The following WWC1 variants were observed in gnomAD, a reference collection of about 807,000 sequenced individuals.
WWC1 encodes the protein protein KIBRA.
In WWC1, 55 loss-of-function variants were observed where a neutral mutation model predicts 138.4. The ratio of observed to expected loss-of-function variants is 0.40; its 90% confidence interval spans 0.32 to 0.50. The LOEUF is 0.50. Among genes scored for constraint, WWC1 ranks in the 20% least tolerant of loss-of-function variants. WWC1 has a pLI of 0.72. For synonymous variants in WWC1, 524 were observed against 564.9 expected, an observed-to-expected ratio of 0.93 and a Z score of 1.03; for missense variants, 1,226 against 1,420.4, an observed-to-expected ratio of 0.86 and a Z score of 2.20.
At chr5:168,347,419 A>G (rs2152784220) in intron 1 of WWC1, among the ~76,000 whole-genome samples, 1 of 152,306 alleles carries the variant, frequency 6.6e-6, no homozygotes, top group South Asian at 2.1e-4. Flanking sequence ...AGGGAATTTG[A>G]AATTCTGTGC....
intron 16 of WWC1, among the ~76,000 whole-genome samples, 198 bp from the exon 17 acceptor site, chr5:168,444,296 T>A (rs766916731): frequency 4.6e-5 from 7 of 152,260 alleles, no homozygotes; most frequent in Non-Finnish European, 8.8e-5. Flanking sequence ...AGCTATTCTC[T>A]GGAGAACTGC....
At chr5:168,432,359 G>A (rs4976608) in intron 15 of WWC1, among the ~76,000 whole-genome samples, 22,891 of 152,106 alleles carry the variant, frequency 0.15, 1,964 homozygotes, top group African/African-American at 0.23. Context: ...ATCTCTCACT[G>A]CATTGGCAGG....
chr5:168,444,567 A>G lies in WWC1; in HGVS notation c.2507A>G (p.Gln836Arg). ...AGGCAGGAGGGCAGGAGCAGCACAC[A>G]GACACTGGAAGACAGCTGGTGAGTG... The part of the protein sequence containing the change: ...EKRQEGRSST[Q>R]TLEDSWRYEE... Residue 836 changes from glutamine (Q) to arginine (R), a missense_variant, in exon 17 of 23, where the codon CAG becomes CGG. Physicochemically the swap from Gln to Arg is conservative, Grantham distance 43. Around this residue, in one of 3 missense-constraint regions of WWC1, gnomAD observed 1,016 missense variants for 1,153.9 expected, o/e 0.88. Coordinates refer to ENST00000265293, the MANE Select transcript of WWC1 (RefSeq NM_015238.3). 1 of 1,612,792 alleles carries G rather than the reference A, an allele frequency of 6.2e-7. No homozygotes were observed. Among genetic ancestry groups the G allele is most frequent in the East Asian group, 2.2e-5 (1 of 44,856 alleles).
At chr5:168,323,025 C>T (rs1772245009) in intron 1 of WWC1, among the ~76,000 whole-genome samples, 1 of 152,134 alleles carries the variant, frequency 6.6e-6, no homozygotes. Flanking sequence ...TCAATAGAAA[C>T]AGACCTAGAG....
chr5:168,405,137 G>C (rs1273435073), intron 5 of WWC1, among the ~76,000 whole-genome samples: 1 of 152,126 alleles, frequency 6.6e-6, no homozygotes, highest in Non-Finnish European at 1.5e-5. Context: ...GTATTTGAGA[G>C]ACAACCTCAG....
rs1277287465 is a variant in WWC1, at chr5:168,470,836, T to A, written c.*1819T>A. ...TAACTCCATCTCAAAAAAATAATAA[T>A]AATAAAAATAAAATGCAGACTGTCA... On this transcript the variant is annotated 3_prime_UTR_variant, in exon 23 of 23. Transcript: ENST00000265293. 2 of 151,814 alleles carry A rather than the reference T, an allele frequency of 1.3e-5. No individual in the cohort carries two copies. Among genetic ancestry groups the A allele is most frequent in the Non-Finnish European group, 2.9e-5 (2 of 67,996 alleles). The allele number at this position is 151,814 out of a possible 1,614,324, so 9.4% of individuals were successfully genotyped here.
At chr5:168,444,699 A>G (rs1433733212) in intron 17 of WWC1, 114 bp downstream of exon 17, 2 of 1,129,920 alleles carry the variant, frequency 1.8e-6, no homozygotes, top group African/African-American at 3.1e-5. Context: ...GAAGGCTGAG[A>G]ACCCCTCTCC....
At position 168,451,903 on chromosome 5, in the gene WWC1, C is replaced by CTTTTTTT. The variant is rs3085192; in HGVS notation, c.2526-2051_2526-2045dup. On this transcript the variant is annotated intron_variant, in intron 17 of 22. Coordinates refer to ENST00000265293, the MANE Select transcript of WWC1 (RefSeq NM_015238.3). ...CTTTGGAGAAGCCATTTGTTGGTGT[C>CTTTTTTT]TTTTTTTTTTTTTTTTTTTTGAGGT... Among the ~76,000 whole-genome samples, 238 of 108,498 alleles carry CTTTTTTT rather than the reference C, an allele frequency of 2.2e-3. 6 individuals carry two copies. The highest frequency in any genetic ancestry group is 3.2e-3 in the Non-Finnish European group (184 of 56,994). 71.2% of individuals were successfully genotyped at this position (108,498 alleles called of 152,430 possible).
chr5:168,431,192 A>G lies in WWC1; in HGVS notation c.2088-60A>G, dbSNP rs546609920. 254 of 1,487,916 alleles carry G rather than the reference A, an allele frequency of 1.7e-4. 1 individual carries two copies. Among genetic ancestry groups the G allele is most frequent in the Admixed American group, 1.6e-3 (81 of 51,432 alleles). The allele number at this position is 1,487,916 out of a possible 1,614,324, so 92.2% of individuals were successfully genotyped here. A position where few individuals can be genotyped will look rare whatever the true frequency, so the allele number is the denominator to read the frequency against. On this transcript the variant is annotated intron_variant, in intron 14 of 22. Transcript: ENST00000265293. ...AGGGATTTCAGCAGCTGTTTAGTCC[A>G]ACATTTTAGCCCCAGACATGGGCTG...
chr5:168,427,335 T>C (rs1781577998), intron 11 of WWC1, among the ~76,000 whole-genome samples: 1 of 152,086 alleles, frequency 6.6e-6, no homozygotes, highest in Admixed American at 6.5e-5. Context: ...TCTCGCTGAG[T>C]CCTGTCAACA....
intron 2 of WWC1, among the ~76,000 whole-genome samples, chr5:168,378,811 C>T (rs954188426): frequency 6.6e-6 from 1 of 152,206 alleles, no homozygotes. Context: ...TTTGAATTTG[C>T]ACTCCTTTGC....
intron 1 of WWC1, among the ~76,000 whole-genome samples, chr5:168,360,189 T>TGCA (rs1350008586): frequency 2.6e-4 from 40 of 152,228 alleles, no homozygotes; most frequent in African/African-American, 9.4e-4. Context: ...CCATCAGGAC[T>TGCA]GCAGCCTAGG....
intron 1 of WWC1, among the ~76,000 whole-genome samples, chr5:168,353,438 T>C (rs1437997792): frequency 6.6e-6 from 1 of 152,262 alleles, no homozygotes; most frequent in African/African-American, 2.4e-5. Flanking sequence ...GCGACAGCCC[T>C]GCCCCTGGCA....
Position 168,354,308 on chromosome 5 carries a change from C to T in WWC1, c.120-17116C>T, listed in dbSNP as rs573376841. Among the ~76,000 whole-genome samples the T allele has an allele frequency of 1.8e-4, 27 of 152,300 alleles. No homozygotes were observed. In the South Asian group the frequency reaches 5.4e-3, roughly 30 times the overall value. On this transcript the variant is annotated intron_variant, in intron 1 of 22. Transcript: ENST00000265293. ...TCAGGTGATCCGCCCCCCTCGGCCT[C>T]CCAAAGTGCTGGGATTACAGGCGTG... is the stretch of plus-strand genomic sequence containing the variant.
chr5:168,312,053 A>T (rs1375648395), intron 1 of WWC1, among the ~76,000 whole-genome samples: 1 of 151,848 alleles, frequency 6.6e-6, no homozygotes, highest in Non-Finnish European at 1.5e-5. Flanking sequence ...AGTCTAAAAA[A>T]AAAAAAATAC....
intron 13 of WWC1, 101 bp downstream of exon 13, chr5:168,428,888 G>C (rs1781725946): frequency 7.9e-7 from 1 of 1,268,074 alleles, no homozygotes; most frequent in South Asian, 1.3e-5. Flanking sequence ...CGCCCAGGGT[G>C]GAAGGCAGCA....
chr5:168,455,474 G>A lies in WWC1; in HGVS notation c.2777G>A (p.Arg926His), dbSNP rs1170913131. ...TTTCTTCGAGGGAGCACCATCATCC[G>A]CTCTAAGACCTTCTCCCCAGGACCC... ...GPFLRGSTIIRSKTFSPGPQS... is the reference protein window; with the variant it reads ...GPFLRGSTIIHSKTFSPGPQS... Residue 926 changes from arginine to histidine, a missense_variant, in exon 19 of 23, where the codon CGC becomes CAC. Around this residue, in one of 3 missense-constraint regions of WWC1, gnomAD observed 4 missense variants for 19.2 expected, o/e 0.21. Transcript: ENST00000265293. 4 of 1,612,996 alleles carry A rather than the reference G, an allele frequency of 2.5e-6. No individual in the cohort carries two copies. Among genetic ancestry groups the A allele is most frequent in the Admixed American group, 1.7e-5 (1 of 59,866 alleles).
At position 168,397,766 on chromosome 5, in the gene WWC1, T is replaced by A. The variant is rs1188717404; in HGVS notation, c.476T>A (p.Ile159Asn). 6.2e-7 allele frequency: 1 copy of A among 1,614,078 alleles called. No individual in the cohort carries two copies. The highest frequency in any genetic ancestry group is 1.7e-5 in the Admixed American group (1 of 60,020). ...TCCAGCTCCAAGTATGACCCTGAGA[T>A]CCTGAAAGCTGAAATTGCCACTGCA... ...SSSSSKYDPEILKAEIATAKS... is the reference protein window; with the variant it reads ...SSSSSKYDPENLKAEIATAKS... Residue 159 changes from isoleucine (I) to asparagine (N), a missense_variant, in exon 4 of 23, where the codon ATC (isoleucine) becomes AAC (asparagine). Transcript: ENST00000265293.
intron 2 of WWC1, 70 bp downstream of exon 2, chr5:168,371,603 C>T: frequency 8.5e-7 from 1 of 1,175,678 alleles, no homozygotes; most frequent in Non-Finnish European, 1.2e-6. Flanking sequence ...ATCCTCCCTC[C>T]AAGTCTGGAA....
Sources: allele counts gnomAD v4.1 joint callset (sites outside exome capture counted in the v4.1 genomes callset), GRCh38; gene constraint gnomAD v4.1.1; regional missense constraint gnomAD v4.1.1; transcripts MANE v1.5; gene names NCBI Gene and HGNC (gene_info 2026-07-23, HGNC 2026-07-21).